Variants in MRPS11 observed in about 807,000 individuals in gnomAD.
MRPS11 encodes mitochondrial ribosomal protein S11.
Under a neutral mutation model 24.3 loss-of-function variants are expected in MRPS11, and 27 were observed. The ratio of observed to expected loss-of-function variants is 1.11; its 90% confidence interval spans 0.82 to 1.53. The LOEUF (loss-of-function observed/expected upper bound fraction) is 1.53. MRPS11 is among the 40% of genes most tolerant of loss of function. The pLI is 0.00. For synonymous variants in MRPS11, 104 were observed against 98.7 expected, an observed-to-expected ratio of 1.05 and a Z score of -0.32; for missense variants, 277 against 256.5, an observed-to-expected ratio of 1.08 and a Z score of -0.55.
chr15:88,471,986 A>G (rs1032910510), intron 2 of MRPS11, among the ~76,000 whole-genome samples: 4 of 152,216 alleles, frequency 2.6e-5, no homozygotes, highest in African/African-American at 9.6e-5. Flanking sequence ...AATCTGGCCA[A>G]TTGCCTGTTT....
At chr15:88,470,991 G>A (rs752837368) in intron 2 of MRPS11, among the ~76,000 whole-genome samples, 34 of 152,192 alleles carry the variant, frequency 2.2e-4, no homozygotes, top group South Asian at 4.1e-4. Context: ...GGAACATTGC[G>A]GGAACAGTGT....
chr15:88,474,770 A>C (rs2055786142), intron 3 of MRPS11, among the ~76,000 whole-genome samples: 1 of 152,184 alleles, frequency 6.6e-6, no homozygotes, highest in Non-Finnish European at 1.5e-5. Context: ...CTGGTTGATG[A>C]GTCCATCAGA....
rs2055792946 is a variant in MRPS11, at chr15:88,475,111, A to G, written c.283A>G (p.Thr95Ala). 5.0e-6 allele frequency: 8 copies of G among 1,614,212 alleles called. No homozygotes were observed. Among genetic ancestry groups the G allele is most frequent in the Non-Finnish European group, 6.8e-6 (8 of 1,180,032 alleles). The change falls in exon 4 of 6, where the codon ACA becomes GCA. Residue 95 changes from threonine to alanine, a missense_variant and splice_region_variant. Physicochemically the swap from Thr to Ala is moderately conservative, Grantham distance 58 (BLOSUM62 0). Coordinates refer to ENST00000325844, the MANE Select transcript of MRPS11 (RefSeq NM_022839.5). This position sits in a 1 kb window ranked among gnomAD's most constrained non-coding sequence, Gnocchi z 4.1. ...ATGTGCTTCTTCTACTTTTCTCAGC[A>G]CACAGATCCAGGTAGTCTCTGCTAG... ...IAHIKASHNN[T>A]QIQVVSASNE...
intron 3 of MRPS11, among the ~76,000 whole-genome samples, chr15:88,473,255 G>C (rs1273459401): frequency 1.3e-5 from 2 of 152,208 alleles, no homozygotes; most frequent in Non-Finnish European, 2.9e-5. Flanking sequence ...CAAGACTAGT[G>C]TTCTTGTGTG....
rs1307894219 is a variant in MRPS11, at chr15:88,475,622, A to G, written c.411+383A>G. Among the ~76,000 whole-genome samples the G allele has an allele frequency of 6.6e-6, 1 of 152,048 alleles. No individual in the cohort carries two copies. Among genetic ancestry groups the G allele is most frequent in the African/African-American group, 2.4e-5 (1 of 41,400 alleles). On this transcript the variant is annotated intron_variant, in intron 4 of 5. Transcript: ENST00000325844. This position sits in a 1 kb window ranked among gnomAD's most constrained non-coding sequence, Gnocchi z 4.1. ...GAGTTTGAGGCTGCAGTGAACTATG[A>G]TCTCACCACTGCACTAAAGCCTGGG...
Position 88,468,337 on chromosome 15 carries a change from A to G in MRPS11, c.182+313A>G. The G allele has an allele frequency of 2.7e-6, 3 of 1,123,520 alleles. No individual in the cohort carries two copies. The South Asian group carries it at 7.0e-5, about 26-fold the overall frequency. 69.6% of individuals were successfully genotyped at this position (1,123,520 alleles called of 1,614,324 possible). ...AGATGGAGATCTTTTCAGACCAATAACCTTCCCTGCCTCCAAAACAAAATG... is the reference window on the plus strand; with the variant it reads ...AGATGGAGATCTTTTCAGACCAATAGCCTTCCCTGCCTCCAAAACAAAATG... On this transcript the variant is annotated intron_variant, in intron 2 of 5. Coordinates refer to ENST00000325844, the MANE Select transcript of MRPS11 (RefSeq NM_022839.5).
In MRPS11 at chr15:88,480,161, A is replaced by G. The variant is rs1022490306; in HGVS notation, c.*2182A>G. The stretch of plus-strand genomic sequence containing the variant: ...AGAGTGGATCTGGAGGGGCACGTAG[A>G]GGATAGTAAACACAGGAGGCTTCTG... On this transcript the variant is annotated 3_prime_UTR_variant, in exon 6 of 6. Transcript: ENST00000325844. This position sits in a 1 kb window ranked among gnomAD's most constrained non-coding sequence, Gnocchi z 5.1. 9 of 152,274 alleles carry G rather than the reference A, an allele frequency of 5.9e-5. No homozygotes were observed. Among genetic ancestry groups the G allele is most frequent in the African/African-American group, 2.2e-4 (9 of 41,470 alleles). The allele number at this position is 152,274 out of a possible 1,614,324, so 9.4% of individuals were successfully genotyped here.
chr15:88,479,893 C>T lies in MRPS11; in HGVS notation c.*1914C>T, dbSNP rs2055898172. The stretch of plus-strand genomic sequence containing the variant: ...TTAAGGAAATAAAGAAGGTGGACTA[C>T]AAAGCAGCTGCCACCCTAGGCTAGA... On this transcript the variant is annotated 3_prime_UTR_variant, in exon 6 of 6. Coordinates refer to ENST00000325844, the MANE Select transcript of MRPS11 (RefSeq NM_022839.5). The T allele has an allele frequency of 6.6e-6, 1 of 152,250 alleles. No homozygotes were observed. The highest frequency in any genetic ancestry group is 2.4e-5 in the African/African-American group (1 of 41,446). The allele number at this position is 152,250 out of a possible 1,614,324, so 9.4% of individuals were successfully genotyped here.
chr15:88,471,099 A>C (rs2055690869), intron 2 of MRPS11, among the ~76,000 whole-genome samples: 1 of 152,158 alleles, frequency 6.6e-6, no homozygotes, highest in Non-Finnish European at 1.5e-5. Context: ...AGAAAGTCTG[A>C]TTGCTTCTAT....
rs527380309 is a variant in MRPS11 at position 88,478,516 on chromosome 15, A to G, written c.*537A>G. On this transcript the variant is annotated 3_prime_UTR_variant, in exon 6 of 6. Coordinates refer to ENST00000325844, the MANE Select transcript of MRPS11 (RefSeq NM_022839.5). This position sits in a 1 kb window ranked among gnomAD's most constrained non-coding sequence, Gnocchi z 4.7. ...GGAGCTTTTTGCCACCTACCTCTGG[A>G]TTCTGATGGATTTCGCCATTATGGG... 1 of 156,342 alleles carries G rather than the reference A, an allele frequency of 6.4e-6. No homozygotes were observed. Among genetic ancestry groups the G allele is most frequent in the South Asian group, 2.0e-4 (1 of 5,068 alleles). The allele number at this position is 156,342 out of a possible 1,614,324, so 9.7% of individuals were successfully genotyped here.
intron 3 of MRPS11, among the ~76,000 whole-genome samples, chr15:88,474,331 G>A (rs573635289): frequency 3.3e-5 from 5 of 152,288 alleles, no homozygotes; most frequent in South Asian, 2.1e-4. Context: ...AGGCCAAGGC[G>A]GGCAGATCAC....
chr15:88,473,396 C>G (rs2055756460), intron 3 of MRPS11, among the ~76,000 whole-genome samples: 1 of 152,210 alleles, frequency 6.6e-6, no homozygotes, highest in Non-Finnish European at 1.5e-5. Flanking sequence ...TCACAGCCAA[C>G]CCACCCAGCA....
chr15:88,475,173 G>T lies in MRPS11; in HGVS notation c.345G>T (p.Glu115Asp). The T allele has an allele frequency of 1.2e-6, 2 of 1,614,244 alleles. No individual in the cohort carries two copies. Among genetic ancestry groups the T allele is most frequent in the East Asian group, 4.5e-5 (2 of 44,884 alleles). Residue 115 changes from glutamate (E) to aspartate (D), a missense_variant, in exon 4 of 6, where the codon GAG becomes GAT. Physicochemically the swap from Glu to Asp is conservative, Grantham distance 45. Transcript: ENST00000325844. The surrounding 1 kb of genome is among the most constrained non-coding windows in gnomAD (Gnocchi z 4.1). Reference sequence around the variant, plus strand: ...TTGCCTTTGCTTCCTGTGGCACAGAGGGATTTCGGAATGCCAAGAAGGGCA... The same window carrying T: ...TTGCCTTTGCTTCCTGTGGCACAGATGGATTTCGGAATGCCAAGAAGGGCA... ...EPLAFASCGT[E>D]GFRNAKKGTG... is the part of the protein sequence containing the mutation.
chr15:88,476,960 G>C, intron 4 of MRPS11, 29 bp from the exon 5 acceptor site: 1 of 1,607,990 alleles, frequency 6.2e-7, no homozygotes, highest in Non-Finnish European at 8.5e-7. Flanking sequence ...TTCTCTCTCC[G>C]GGGCACTAAC....
chr15:88,478,951 T>C lies in MRPS11; in HGVS notation c.*972T>C, dbSNP rs541707442. On this transcript the variant is annotated 3_prime_UTR_variant, in exon 6 of 6. Coordinates refer to ENST00000325844, the MANE Select transcript of MRPS11 (RefSeq NM_022839.5). The surrounding 1 kb of genome is among the most constrained non-coding windows in gnomAD (Gnocchi z 4.7). ...CTGCAGTGAGCTGAGATCATCCTACTGCACTCCAGCCCAGGTGACAGCGAG... is the reference window on the plus strand; with the variant it reads ...CTGCAGTGAGCTGAGATCATCCTACCGCACTCCAGCCCAGGTGACAGCGAG... 31 of 151,782 alleles carry C rather than the reference T, an allele frequency of 2.0e-4. No individual in the cohort carries two copies. Among genetic ancestry groups the C allele is most frequent in the African/African-American group, 7.0e-4 (29 of 41,372 alleles). 9.4% of individuals were successfully genotyped at this position (151,782 alleles called of 1,614,324 possible). A position where few individuals can be genotyped will look rare whatever the true frequency, so the allele number is the denominator to read the frequency against.
At position 88,469,849 on chromosome 15, in the gene MRPS11, A is replaced by G. The variant is rs1489751890; in HGVS notation, c.182+1825A>G. 6.6e-6 allele frequency among the ~76,000 whole-genome samples: 1 copy of G among 152,214 alleles called. No homozygotes were observed. The highest frequency in any genetic ancestry group is 1.5e-5 in the Non-Finnish European group (1 of 68,038). On this transcript the variant is annotated intron_variant, in intron 2 of 5. Transcript: ENST00000325844. The surrounding 1 kb of genome is among the most constrained non-coding windows in gnomAD (Gnocchi z 4.4). ...TAGAACAAGCAGGATTTGTTAATATACAGTGTGAGAAAAAGGAGCGAAGGA... is the reference window on the plus strand; with the variant it reads ...TAGAACAAGCAGGATTTGTTAATATGCAGTGTGAGAAAAAGGAGCGAAGGA...
intron 3 of MRPS11, among the ~76,000 whole-genome samples, chr15:88,473,190 C>G (rs1420259409): frequency 6.6e-6 from 1 of 152,248 alleles, no homozygotes; most frequent in East Asian, 1.9e-4. Context: ...CTCTGGGCCA[C>G]TGTGCACTGG....
chr15:88,478,178 A>G lies in MRPS11; in HGVS notation c.*199A>G, dbSNP rs561064891. 1.2e-5 allele frequency: 7 copies of G among 590,698 alleles called. No homozygotes were observed. The highest frequency in any genetic ancestry group is 1.0e-4 in the South Asian group (5 of 48,772). The allele number at this position is 590,698 out of a possible 1,614,324, so 36.6% of individuals were successfully genotyped here. A position where few individuals can be genotyped will look rare whatever the true frequency, so the allele number is the denominator to read the frequency against. On this transcript the variant is annotated 3_prime_UTR_variant, in exon 6 of 6. Coordinates refer to ENST00000325844, the MANE Select transcript of MRPS11 (RefSeq NM_022839.5). This position sits in a 1 kb window ranked among gnomAD's most constrained non-coding sequence, Gnocchi z 4.7. Reference sequence around the variant, plus strand: ...GGTGTGCCCCAGAAGTAAGCTTTGCATCTCTTACAAGAGGGGAGCTACAGG... The same window carrying G: ...GGTGTGCCCCAGAAGTAAGCTTTGCGTCTCTTACAAGAGGGGAGCTACAGG...
At chr15:88,471,721 A>G (rs1208063345) in intron 2 of MRPS11, among the ~76,000 whole-genome samples, 1 of 152,226 alleles carries the variant, frequency 6.6e-6, no homozygotes, top group Admixed American at 6.5e-5. Context: ...CTTATTAGAG[A>G]TGATAAGTTA....
Sources: allele counts gnomAD v4.1 joint callset (sites outside exome capture counted in the v4.1 genomes callset), GRCh38; gene constraint gnomAD v4.1.1; non-coding constraint Gnocchi (gnomAD v3.1); transcripts MANE v1.5; gene names NCBI Gene and HGNC (gene_info 2026-07-23, HGNC 2026-07-21).